CCDC60: variants seen among roughly 807,000 people sequenced by gnomAD.
The protein encoded by CCDC60 is coiled-coil domain-containing protein 60.
A neutral mutation model predicts 63.5 loss-of-function variants in CCDC60; 54 were observed. The observed-to-expected ratio is 0.85, with a 90% CI of 0.68 to 1.07. CCDC60 has a LOEUF of 1.07. Ranked by LOEUF, CCDC60 falls within the 50% of genes least tolerant of loss-of-function variation. CCDC60 has a pLI of 0.00. For missense variants in CCDC60, 651 were observed against 684.3 expected (o/e 0.95, Z 0.54); for synonymous variants, 206 against 238.8 (o/e 0.86, Z 1.27).
chr12:119,443,061 G>A (rs1041224857), intron 2 of CCDC60, among the ~76,000 whole-genome samples: 4 of 152,196 alleles, frequency 2.6e-5, no homozygotes, highest in African/African-American at 9.7e-5. Flanking sequence ...GCAATGCCCA[G>A]CTGAGCCACA....
chr12:119,528,868 T>A, intron 12 of CCDC60, 122 bp downstream of exon 12: 1 of 1,015,242 alleles, frequency 9.8e-7, no homozygotes, highest in Non-Finnish European at 1.4e-6. Flanking sequence ...AAAACTGTCA[T>A]TGGCCATCAA....
chr12:119,445,124 G>C (rs1296418638), intron 2 of CCDC60, among the ~76,000 whole-genome samples: 1 of 151,994 alleles, frequency 6.6e-6, no homozygotes, highest in Non-Finnish European at 1.5e-5. Context: ...CCATGAAAAT[G>C]AGAACAAAGT....
intron 1 of CCDC60, among the ~76,000 whole-genome samples, chr12:119,341,354 G>A (rs61939528): frequency 0.014 from 2,148 of 152,170 alleles, 38 homozygotes; most frequent in Middle Eastern, 0.041. Flanking sequence ...GGGGAGGGGA[G>A]GGTGGGAGAG....
chr12:119,475,735 G>A (rs1290457818), intron 3 of CCDC60, among the ~76,000 whole-genome samples: 4 of 152,002 alleles, frequency 2.6e-5, no homozygotes, highest in Non-Finnish European at 4.4e-5. Flanking sequence ...TTTTCTTCAC[G>A]TACATAAATA....
intron 3 of CCDC60, among the ~76,000 whole-genome samples, chr12:119,478,087 G>A (rs539155361): frequency 1.5e-4 from 23 of 152,290 alleles, no homozygotes; most frequent in African/African-American, 5.5e-4. Context: ...GCCAAGGCAG[G>A]TGGATCACTT....
intron 1 of CCDC60, among the ~76,000 whole-genome samples, chr12:119,418,308 T>C (rs183366213): frequency 6.6e-6 from 1 of 151,246 alleles, no homozygotes; most frequent in Non-Finnish European, 1.5e-5. Flanking sequence ...TCCTTCATAG[T>C]CACAATACAG....
rs755757512 is a variant in CCDC60, at chr12:119,472,001, A to G, written c.178A>G (p.Ile60Val). ...CTCCCTGCATGTCTCCAGCTTTTTG[A>G]TCCAGTCTGTGAAGATAGGCCGTGG... Reference protein sequence around the residue: ...KKDLIRSRFLIQSVKIGRGYF... With the variant: ...KKDLIRSRFLVQSVKIGRGYF... The change falls in exon 3 of 14, where the codon ATC (isoleucine) becomes GTC (valine). Residue 60 changes from isoleucine to valine, a missense_variant. Coordinates refer to ENST00000327554, the MANE Select transcript of CCDC60 (RefSeq NM_178499.5). 14 of 1,610,226 alleles carry G rather than the reference A, an allele frequency of 8.7e-6. No homozygotes were observed. In the Admixed American group the frequency reaches 2.3e-4, roughly 27 times the overall value.
chr12:119,486,164 A>G (rs1951435883), intron 4 of CCDC60, among the ~76,000 whole-genome samples: 1 of 152,224 alleles, frequency 6.6e-6, no homozygotes, highest in Admixed American at 6.5e-5. Context: ...AATGCTGGAC[A>G]TGGCCTATGT....
intron 7 of CCDC60, among the ~76,000 whole-genome samples, chr12:119,508,890 G>C (rs1462911094): frequency 6.6e-6 from 1 of 151,870 alleles, no homozygotes; most frequent in Non-Finnish European, 1.5e-5. Flanking sequence ...TAGAGCGATA[G>C]CCCAGCTTCA....
intron 13 of CCDC60, among the ~76,000 whole-genome samples, chr12:119,536,966 C>T (rs1953022110): frequency 6.6e-6 from 1 of 152,120 alleles, no homozygotes; most frequent in African/African-American, 2.4e-5. Context: ...CTGCCTTGCT[C>T]GGTTGGGGAA....
rs554853125 is a variant in CCDC60, at chr12:119,478,223, G to A, written c.342-871G>A. Among the ~76,000 whole-genome samples, 7 of 152,164 alleles carry A rather than the reference G, an allele frequency of 4.6e-5. No individual in the cohort carries two copies. The East Asian group carries it at 9.7e-4, about 21-fold the overall frequency. ...CCAGCTACTCGGGAGGCTGAGGCAC[G>A]AGAATTGCTTGAACCTAGGAGGCAG... On this transcript the variant is annotated intron_variant, in intron 3 of 13. Transcript: ENST00000327554.
intron 7 of CCDC60, among the ~76,000 whole-genome samples, chr12:119,509,149 C>T (rs114739468): frequency 1.3e-5 from 2 of 152,210 alleles, no homozygotes; most frequent in Non-Finnish European, 1.5e-5. Flanking sequence ...ACCCTCTTCA[C>T]ACCTATTGCT....
At chr12:119,341,328 G>A (rs1565962383) in intron 1 of CCDC60, among the ~76,000 whole-genome samples, 1 of 151,976 alleles carries the variant, frequency 6.6e-6, no homozygotes, top group Non-Finnish European at 1.5e-5. Context: ...TCTGCAAGGA[G>A]GCAGCTGCTC....
At chr12:119,514,989 G>T (rs897673632) in intron 7 of CCDC60, among the ~76,000 whole-genome samples, 1 of 152,216 alleles carries the variant, frequency 6.6e-6, no homozygotes, top group Non-Finnish European at 1.5e-5. Flanking sequence ...ATGCTGTACA[G>T]GTTTGTGGCC....
At chr12:119,404,992 A>ACTTTCC (rs1956460854) in intron 1 of CCDC60, among the ~76,000 whole-genome samples, 6 of 152,210 alleles carry the variant, frequency 3.9e-5, no homozygotes, top group African/African-American at 1.2e-4. Context: ...ACCCCAGGAA[A>ACTTTCC]GCATGAAAAT....
intron 1 of CCDC60, among the ~76,000 whole-genome samples, chr12:119,346,278 A>G (rs1002856729): frequency 6.6e-6 from 1 of 152,118 alleles, no homozygotes; most frequent in East Asian, 1.9e-4. Flanking sequence ...TTTTGCACCA[A>G]TTTCTTTGCC....
intron 1 of CCDC60, among the ~76,000 whole-genome samples, chr12:119,336,854 G>C (rs994237025): frequency 5.3e-5 from 8 of 152,200 alleles, no homozygotes; most frequent in African/African-American, 1.9e-4. Context: ...GGAGTTAATG[G>C]TTCCTGTTTT....
At chr12:119,466,257 A>G (rs1022722833) in intron 2 of CCDC60, among the ~76,000 whole-genome samples, 58 of 152,256 alleles carry the variant, frequency 3.8e-4, no homozygotes, top group Middle Eastern at 3.4e-3. Context: ...CACTTTGGGT[A>G]CCATTTACTT....
chr12:119,460,766 A>G (rs1414963230), intron 2 of CCDC60, among the ~76,000 whole-genome samples: 1 of 152,220 alleles, frequency 6.6e-6, no homozygotes, highest in African/African-American at 2.4e-5. Context: ...CAAATTCTGG[A>G]CACTGAGAAA....
Sources: gnomAD v4.1 joint callset for allele counts (sites outside exome capture counted in the v4.1 genomes callset) on GRCh38, gnomAD v4.1.1 for gene constraint, MANE v1.5 for transcripts, NCBI Gene and HGNC (gene_info 2026-07-23, HGNC 2026-07-21) for gene names.